Variants in CDH4 observed in about 807,000 individuals in gnomAD.
The protein encoded by CDH4 is cadherin 4, also known as cadherin-4.
CDH4 carries 33 observed loss-of-function variants against 86.0 expected under a neutral mutation model. The observed-to-expected ratio is 0.38, with a 90% CI of 0.29 to 0.51. CDH4 has a LOEUF of 0.51. Among genes scored for constraint, CDH4 ranks in the 20% least tolerant of loss-of-function variants. The pLI is 0.86. For missense variants in CDH4, 1,114 were observed against 1,307.4 expected (o/e 0.85, Z 2.28); for synonymous variants, 555 against 549.4 (o/e 1.01, Z -0.14).
intron 2 of CDH4, among the ~76,000 whole-genome samples, chr20:61,555,506 C>A (rs189318382): frequency 1.4e-3 from 208 of 152,298 alleles, no homozygotes; most frequent in African/African-American, 4.4e-3. Context: ...CTCTCCAGCC[C>A]GGTCCATTTG....
At chr20:61,565,289 A>ATGGGGAGG (rs1568688849) in intron 2 of CDH4, among the ~76,000 whole-genome samples, 11 of 18,628 alleles carry the variant, frequency 5.9e-4, no homozygotes, top group African/African-American at 3.2e-3. Context: ...TGATGGGGTG[A>ATGGGGAGG]TGGTGGTGGC....
chr20:61,822,499 C>T lies in CDH4; in HGVS notation c.577-22169C>T, dbSNP rs561745172. Among the ~76,000 whole-genome samples, 42 of 152,016 alleles carry T rather than the reference C, an allele frequency of 2.8e-4. 1 individual carries two copies. In the South Asian group the frequency reaches 6.3e-3, roughly 23 times the overall value. ...AGAGAGCCGCAGCGAAGGTGTGGTT[C>T]GGCGACCTCGCTATCGATCTACAAG... On this transcript the variant is annotated intron_variant, in intron 4 of 15. Coordinates refer to ENST00000614565, the MANE Select transcript of CDH4 (RefSeq NM_001794.5).
In CDH4 at chr20:61,894,938, A is replaced by C; in HGVS notation, c.1079A>C (p.Gln360Pro). Residue 360 changes from glutamine to proline, a missense_variant, in exon 8 of 16, where the codon CAG becomes CCG. Coordinates refer to ENST00000614565, the MANE Select transcript of CDH4 (RefSeq NM_001794.5). ...GTTCAGCAGTACACAGTCATCGTTC[A>C]GGCCACAGATATGGAAGGAAATCTC... ...EKVQQYTVIV[Q>P]ATDMEGNLNY... 1 of 1,613,932 alleles carries C rather than the reference A, an allele frequency of 6.2e-7. No individual in the cohort carries two copies. The highest frequency in any genetic ancestry group is 8.5e-7 in the Non-Finnish European group (1 of 1,179,958).
intron 3 of CDH4, among the ~76,000 whole-genome samples, chr20:61,747,737 A>C (rs1241514798): frequency 2.0e-5 from 3 of 152,216 alleles, no homozygotes; most frequent in African/African-American, 4.8e-5. Context: ...AGAGATACAC[A>C]GAAGGAAAAT....
At chr20:61,296,682 G>A (rs954529847) in intron 2 of CDH4, among the ~76,000 whole-genome samples, 3 of 152,112 alleles carry the variant, frequency 2.0e-5, no homozygotes, top group African/African-American at 4.8e-5. Context: ...CATGCCACAC[G>A]AAACTGGTGT....
At chr20:61,573,367 T>C (rs2086358758) in intron 2 of CDH4, among the ~76,000 whole-genome samples, 1 of 152,230 alleles carries the variant, frequency 6.6e-6, no homozygotes. Context: ...GATTTGCTCA[T>C]TTCAGAAACA....
At chr20:61,654,152 C>G (rs2087161063) in intron 2 of CDH4, among the ~76,000 whole-genome samples, 1 of 152,124 alleles carries the variant, frequency 6.6e-6, no homozygotes, top group Admixed American at 6.5e-5. Flanking sequence ...ACTGAGTGAA[C>G]CAGACTCCGT....
Position 61,929,674 on chromosome 20 carries a change from A to G in CDH4, c.2071A>G (p.Ile691Val), listed in dbSNP as rs1396523319. The G allele has an allele frequency of 1.2e-6, 2 of 1,614,064 alleles. No homozygotes were observed. The highest frequency in any genetic ancestry group is 2.2e-5 in the East Asian group (1 of 44,858). Residue 691 changes from isoleucine (I) to valine (V), a missense_variant, in exon 13 of 16, where the codon ATC becomes GTC. Ile to Val is a conservative substitution (Grantham distance 29). Around this residue, in one of 3 missense-constraint regions of CDH4, gnomAD observed 705 missense variants for 914.1 expected, o/e 0.77. Coordinates refer to ENST00000614565, the MANE Select transcript of CDH4 (RefSeq NM_001794.5). ...LEAGMYDVPI[I>V]VTDSGNPPLS... ...GGCCGGGATGTATGACGTCCCCATC[A>G]TCGTCACAGACTCTGGAAACCCTCC...
At chr20:61,631,223 C>T (rs1462328859) in intron 2 of CDH4, among the ~76,000 whole-genome samples, 3 of 152,198 alleles carry the variant, frequency 2.0e-5, no homozygotes, top group Non-Finnish European at 2.9e-5. Flanking sequence ...GGCTGCTAGG[C>T]GTTTCCGTCT....
intron 2 of CDH4, among the ~76,000 whole-genome samples, chr20:61,633,330 T>C (rs542615810): frequency 6.6e-6 from 1 of 151,616 alleles, no homozygotes; most frequent in Non-Finnish European, 1.5e-5. Context: ...TCCATTCATC[T>C]ATCCATCTCT....
At chr20:61,664,422 G>T (rs143238214) in intron 2 of CDH4, among the ~76,000 whole-genome samples, 190 of 152,336 alleles carry the variant, frequency 1.2e-3, no homozygotes, top group African/African-American at 4.3e-3. Context: ...GGGGAGAGCT[G>T]GTCCCCACTC....
At chr20:61,668,880 G>C (rs1264507719) in intron 2 of CDH4, among the ~76,000 whole-genome samples, 1 of 152,190 alleles carries the variant, frequency 6.6e-6, no homozygotes, top group African/African-American at 2.4e-5. Context: ...CCACCAGCAG[G>C]CCCGGGTGCC....
Position 61,700,266 on chromosome 20 carries a change from G to A in CDH4, c.170-43297G>A, listed in dbSNP as rs371671485. On this transcript the variant is annotated intron_variant, in intron 2 of 15. Transcript: ENST00000614565. ...ACATTCCCTAGATCTGCACGTCAGG[G>A]GAGCGCTCAGCATCGACAGGGAAGA... 7.4e-4 allele frequency among the ~76,000 whole-genome samples: 113 copies of A among 152,288 alleles called. 3 individuals are homozygous for A. The South Asian group carries it at 0.01, about 14-fold the overall frequency.
Position 61,885,296 on chromosome 20 carries a change from C to T in CDH4, c.1051-9614C>T, listed in dbSNP as rs190551642. ...ACCCCAGAACCATCCCATTTCTCCT[C>T]GACTCCCTTACCCCCAGCTCCCCCA... is the stretch of plus-strand genomic sequence containing the variant. On this transcript the variant is annotated intron_variant, in intron 7 of 15. Coordinates refer to ENST00000614565, the MANE Select transcript of CDH4 (RefSeq NM_001794.5). Among the ~76,000 whole-genome samples the T allele has an allele frequency of 3.9e-5, 6 of 152,310 alleles. No homozygotes were observed. The East Asian group carries it at 9.7e-4, about 25-fold the overall frequency.
intron 2 of CDH4, among the ~76,000 whole-genome samples, chr20:61,455,889 A>G (rs2085404198): frequency 6.6e-6 from 1 of 152,154 alleles, no homozygotes; most frequent in Non-Finnish European, 1.5e-5. Context: ...ATAGATGGAT[A>G]TATGGGTGGA....
chr20:61,642,279 G>A (rs9798559), intron 2 of CDH4, among the ~76,000 whole-genome samples: 1,966 of 152,292 alleles, frequency 0.013, 18 homozygotes, highest in Middle Eastern at 0.02. Context: ...GAGGCCCACG[G>A]AAGTCCTAGG....
At position 61,873,892 on chromosome 20, in the gene CDH4, G is replaced by T. The variant is rs1423085482; in HGVS notation, c.1042G>T (p.Asp348Tyr). The change falls in exon 7 of 16, where the codon GAC becomes TAC. Residue 348 changes from aspartate (D) to tyrosine (Y), a missense_variant. Transcript: ENST00000614565. ...TATCGTCACAGTGGCGGCTGGCCTG[G>T]ACCGAGAGGTGAGGCGGGGTGGGGT... ...GDIVTVAAGL[D>Y]REKVQQYTVI... 6.2e-7 allele frequency: 1 copy of T among 1,613,616 alleles called. No homozygotes were observed. Among genetic ancestry groups the T allele is most frequent in the South Asian group, 1.1e-5 (1 of 91,072 alleles).
chr20:61,652,938 A>ATTTATTTATTTATTT (rs1555819716), intron 2 of CDH4, among the ~76,000 whole-genome samples: 1 of 97,402 alleles, frequency 1.0e-5, no homozygotes, highest in African/African-American at 3.4e-5. Flanking sequence ...TTATTTATTT[A>ATTTATTTATTTATTT]TTTTTTTTTT....
At chr20:61,306,803 A>C (rs1477927320) in intron 2 of CDH4, among the ~76,000 whole-genome samples, 1 of 152,086 alleles carries the variant, frequency 6.6e-6, no homozygotes, top group Non-Finnish European at 1.5e-5. Context: ...TTCCACCTGG[A>C]TCCACTGCAG....
Sources: gnomAD v4.1 joint callset for allele counts (sites outside exome capture counted in the v4.1 genomes callset) on GRCh38, gnomAD v4.1.1 for gene constraint, gnomAD v4.1.1 regional missense constraint, MANE v1.5 for transcripts, NCBI Gene and HGNC (gene_info 2026-07-23, HGNC 2026-07-21) for gene names.